The following ADCY1 variants were observed in gnomAD, a reference collection of about 807,000 sequenced individuals.
The protein encoded by ADCY1 is adenylate cyclase 1, also known as adenylate cyclase type 1.
In ADCY1, 28 loss-of-function variants were observed where a neutral mutation model predicts 105.4. That is an observed-to-expected ratio of 0.27 (90% CI 0.20 to 0.36). ADCY1 has a LOEUF of 0.36. ADCY1 is among the 10% of genes least tolerant of loss of function. ADCY1 has a pLI of 1.00. For synonymous variants in ADCY1, 655 were observed against 623.8 expected, an observed-to-expected ratio of 1.05 and a Z score of -0.75; for missense variants, 977 against 1,434.2, an observed-to-expected ratio of 0.68 and a Z score of 5.15.
intron 3 of ADCY1, 151 bp downstream of exon 3, chr7:45,610,648 G>T (rs1219080350): frequency 9.9e-6 from 7 of 706,214 alleles, no homozygotes; most frequent in Non-Finnish European, 4.9e-6. Flanking sequence ...TGAAGGTGGG[G>T]AAGTGATGAT....
In ADCY1 at chr7:45,708,336, C is replaced by G. The variant is rs1785162944; in HGVS notation, c.2818-14C>G. On this transcript the variant is annotated splice_polypyrimidine_tract_variant and intron_variant, in intron 17 of 19. Transcript: ENST00000297323. The surrounding 1 kb of genome is among the most constrained non-coding windows in gnomAD (Gnocchi z 4.7). ...CACTCCCCAGATGTAATGACCCCAT[C>G]TGTTTACACCTAGGCTAAGAAGTCC... 3 of 1,601,622 alleles carry G rather than the reference C, an allele frequency of 1.9e-6. No homozygotes were observed. The highest frequency in any genetic ancestry group is 2.6e-6 in the Non-Finnish European group (3 of 1,168,800).
chr7:45,654,944 C>A (rs1794898792), intron 5 of ADCY1, among the ~76,000 whole-genome samples: 1 of 147,574 alleles, frequency 6.8e-6, no homozygotes, highest in Admixed American at 6.6e-5. Context: ...TTTGCCCTGC[C>A]CTTCCCGCCA....
intron 2 of ADCY1, among the ~76,000 whole-genome samples, chr7:45,596,307 C>T (rs889129394): frequency 6.6e-5 from 10 of 151,214 alleles, no homozygotes; most frequent in Non-Finnish European, 1.2e-4. Flanking sequence ...GGCAACACAA[C>T]GGGTGATGGG....
chr7:45,577,641 A>G (rs1422667089), intron 1 of ADCY1, among the ~76,000 whole-genome samples: 2 of 152,244 alleles, frequency 1.3e-5, no homozygotes, highest in Admixed American at 6.5e-5. Flanking sequence ...GGTAGTAGCC[A>G]TGCTGGGTGT....
intron 14 of ADCY1, among the ~76,000 whole-genome samples, chr7:45,693,858 C>T (rs1410225180): frequency 2.9e-5 from 4 of 136,396 alleles, no homozygotes; most frequent in Non-Finnish European, 6.2e-5. Flanking sequence ...AGTAAACTAT[C>T]GCAAGAACAA....
intron 1 of ADCY1, among the ~76,000 whole-genome samples, chr7:45,581,114 A>G (rs369190555): frequency 2.6e-5 from 4 of 152,192 alleles, no homozygotes; most frequent in African/African-American, 9.6e-5. Context: ...GTGTGACTTT[A>G]GGCTTGGGAT....
At chr7:45,592,625 T>G in intron 1 of ADCY1, 134 bp from the exon 2 acceptor site, 1 of 1,217,374 alleles carries the variant, frequency 8.2e-7, no homozygotes, top group Non-Finnish European at 1.2e-6. Flanking sequence ...CCTGTGTCCC[T>G]GGCCCTGCGC....
chr7:45,624,000 C>T (rs762765517), intron 4 of ADCY1, among the ~76,000 whole-genome samples: 4 of 152,102 alleles, frequency 2.6e-5, no homozygotes, highest in South Asian at 4.1e-4. Context: ...CAGGGAGGGG[C>T]GCTGAGATCA....
chr7:45,648,634 G>T lies in ADCY1; in HGVS notation c.1021-36G>T, dbSNP rs3735672. On this transcript the variant is annotated intron_variant, in intron 4 of 19. Transcript: ENST00000297323. ...CAGTGGCGCTCACAGCCTCTGTAGC[G>T]CTGTCTCTTACCATGTGCCTTGCCC... is the stretch of plus-strand genomic sequence containing the variant. 1.9e-6 allele frequency: 3 copies of T among 1,613,154 alleles called. No homozygotes were observed. In the South Asian group the frequency reaches 3.3e-5, roughly 18 times the overall value.
chr7:45,672,049 T>G (rs1784377774), intron 8 of ADCY1, among the ~76,000 whole-genome samples: 1 of 152,224 alleles, frequency 6.6e-6, no homozygotes, highest in Non-Finnish European at 1.5e-5. Flanking sequence ...TGACATACAT[T>G]TTACTCTAAG....
Position 45,660,011 on chromosome 7 carries a change from C to A in ADCY1, c.1308-31C>A. On this transcript the variant is annotated intron_variant, in intron 6 of 19. Transcript: ENST00000297323. ...AGACTCTGACAGCAGTGGTTCCCCA[C>A]TCATCTGGCCTCTGCCTCCTCCTTT... 3 of 1,613,158 alleles carry A rather than the reference C, an allele frequency of 1.9e-6. No homozygotes were observed. The South Asian group carries it at 3.3e-5, about 18-fold the overall frequency.
At chr7:45,696,744 C>T (rs550363148) in intron 14 of ADCY1, among the ~76,000 whole-genome samples, 37 of 152,238 alleles carry the variant, frequency 2.4e-4, no homozygotes, top group Admixed American at 1.5e-3. Flanking sequence ...CTATGCTTCT[C>T]CCTAGACTCT....
intron 1 of ADCY1, among the ~76,000 whole-genome samples, chr7:45,587,392 C>T (rs1296819398): frequency 3.3e-5 from 5 of 152,066 alleles, no homozygotes; most frequent in African/African-American, 9.7e-5. Flanking sequence ...GTCTGCCTCA[C>T]GGGGACTTTG....
At chr7:45,621,973 C>T (rs1363467466) in intron 3 of ADCY1, among the ~76,000 whole-genome samples, 7 of 152,106 alleles carry the variant, frequency 4.6e-5, no homozygotes, top group Non-Finnish European at 1.0e-4. Flanking sequence ...CTTATTATCT[C>T]CAGAAAACAT....
At chr7:45,695,904 C>T (rs865949313) in intron 14 of ADCY1, among the ~76,000 whole-genome samples, 3 of 152,248 alleles carry the variant, frequency 2.0e-5, no homozygotes, top group African/African-American at 7.2e-5. Flanking sequence ...CTCAGTACTG[C>T]TAATGCAGGC....
chr7:45,700,122 G>A (rs1336671490), intron 14 of ADCY1, among the ~76,000 whole-genome samples: 1 of 152,210 alleles, frequency 6.6e-6, no homozygotes, highest in Non-Finnish European at 1.5e-5. Flanking sequence ...CACTGGGTCA[G>A]GGCATGTGGC....
At chr7:45,675,427 GA>G (rs1784438341) in intron 8 of ADCY1, among the ~76,000 whole-genome samples, 2 of 152,044 alleles carry the variant, frequency 1.3e-5, no homozygotes, top group Admixed American at 1.3e-4. Flanking sequence ...AGAGAAGGAG[GA>G]AAGTATATTG....
At chr7:45,712,111 T>A (rs1447503331) in intron 19 of ADCY1, among the ~76,000 whole-genome samples, 7 of 136,518 alleles carry the variant, frequency 5.1e-5, no homozygotes, top group Non-Finnish European at 1.1e-4. Flanking sequence ...AATTTTATAA[T>A]TTTATAAATT....
chr7:45,660,230 C>A (rs757286153), intron 7 of ADCY1, 47 bp downstream of exon 7: 2 of 1,609,220 alleles, frequency 1.2e-6, no homozygotes, highest in East Asian at 2.2e-5. Context: ...AGCTTCTTGG[C>A]CTGTGCAGAG....
Sources: allele counts gnomAD v4.1 joint callset (sites outside exome capture counted in the v4.1 genomes callset), GRCh38; gene constraint gnomAD v4.1.1; non-coding constraint Gnocchi (gnomAD v3.1); transcripts MANE v1.5; gene names NCBI Gene and HGNC (gene_info 2026-07-23, HGNC 2026-07-21).